The following ROBO1 variants were observed in gnomAD, a reference collection of about 807,000 sequenced individuals.
ROBO1 encodes roundabout homolog 1.
ROBO1 carries 149 observed loss-of-function variants against 195.9 expected under a neutral mutation model. That is an observed-to-expected ratio of 0.76 (90% CI 0.67 to 0.87). The LOEUF (loss-of-function observed/expected upper bound fraction) is 0.87, where lower values mean the gene tolerates loss of function less well. ROBO1 is among the 40% of genes least tolerant of loss of function. ROBO1 has a pLI of 0.00. For missense variants in ROBO1, 1,933 were observed against 2,068.3 expected (o/e 0.93, Z 1.27); for synonymous variants, 816 against 733.2 (o/e 1.11, Z -1.82).
At chr3:78,898,140 CATAT>C (rs759399986) in intron 4 of ROBO1, among the ~76,000 whole-genome samples, 1 of 145,628 alleles carries the variant, frequency 6.9e-6, no homozygotes, top group Non-Finnish European at 1.5e-5. Context: ...AGTTCTAAAA[CATAT>C]ATATATATAT....
chr3:78,810,931 G>A (rs1226013906), intron 4 of ROBO1, among the ~76,000 whole-genome samples: 4 of 152,072 alleles, frequency 2.6e-5, no homozygotes, highest in Non-Finnish European at 5.9e-5. Flanking sequence ...CAATCAACCT[G>A]CTCAAGAAAA....
At chr3:79,312,784 A>G (rs768893858) in intron 2 of ROBO1, among the ~76,000 whole-genome samples, 2 of 152,126 alleles carry the variant, frequency 1.3e-5, no homozygotes, top group Non-Finnish European at 2.9e-5. Context: ...GCATGTTTTT[A>G]TAACTGTGCT....
At chr3:79,434,884 T>TA (rs1431416302) in intron 2 of ROBO1, among the ~76,000 whole-genome samples, 4 of 152,146 alleles carry the variant, frequency 2.6e-5, no homozygotes, top group Admixed American at 2.6e-4. Flanking sequence ...TATGTAGCCA[T>TA]AAAAAATGAT....
At chr3:78,927,874 T>A (rs1560009731) in intron 4 of ROBO1, among the ~76,000 whole-genome samples, 1 of 152,218 alleles carries the variant, frequency 6.6e-6, no homozygotes, top group Non-Finnish European at 1.5e-5. Context: ...TTTGCCTTTC[T>A]GAAATGAAGA....
Position 79,703,616 on chromosome 3 carries a change from C to T in ROBO1, c.-51+64136G>A, listed in dbSNP as rs574714216. On this transcript the variant is annotated intron_variant, in intron 1 of 30. Coordinates refer to ENST00000464233, the MANE Select transcript of ROBO1 (RefSeq NM_002941.4). ...CATGTGTACTCTATTAATGCCATGT[C>T]TCCATTTTTACTTATAGAAAGTTTC... is the stretch of plus-strand genomic sequence containing the variant. Among the ~76,000 whole-genome samples the T allele has an allele frequency of 8.7e-4, 132 of 151,912 alleles. 1 individual carries two copies. Among genetic ancestry groups the T allele is most frequent in the African/African-American group, 3.0e-3 (124 of 41,514 alleles).
intron 2 of ROBO1, among the ~76,000 whole-genome samples, chr3:79,129,868 G>A (rs2080294132): frequency 6.7e-6 from 1 of 148,242 alleles, no homozygotes; most frequent in Non-Finnish European, 1.5e-5. Flanking sequence ...TAAGGTGTAA[G>A]GAAGGGATCC....
intron 1 of ROBO1, among the ~76,000 whole-genome samples, chr3:79,634,894 T>G (rs1251498647): frequency 6.6e-6 from 1 of 152,162 alleles, no homozygotes; most frequent in Non-Finnish European, 1.5e-5. Flanking sequence ...CATTTGAATG[T>G]AGCTTTCCAA....
chr3:79,011,103 G>T (rs1342428072), intron 3 of ROBO1, among the ~76,000 whole-genome samples: 1 of 152,092 alleles, frequency 6.6e-6, no homozygotes, highest in Non-Finnish European at 1.5e-5. Flanking sequence ...CCCAAACCAA[G>T]CAACTAAAGA....
At chr3:79,569,083 C>T (rs1943186258) in intron 2 of ROBO1, among the ~76,000 whole-genome samples, 1 of 152,092 alleles carries the variant, frequency 6.6e-6, no homozygotes, top group South Asian at 2.1e-4. Context: ...GTGATCCAAA[C>T]TTTTGTGCCT....
chr3:79,319,104 C>T (rs1436469608), intron 2 of ROBO1, among the ~76,000 whole-genome samples: 6 of 152,140 alleles, frequency 3.9e-5, no homozygotes, highest in Non-Finnish European at 7.4e-5. Context: ...TAATTAATTT[C>T]TCATCCCTCA....
chr3:79,759,287 C>T (rs1502288), intron 1 of ROBO1, among the ~76,000 whole-genome samples: 47,878 of 151,860 alleles, frequency 0.32, 7,672 homozygotes, highest in East Asian at 0.37. Context: ...CCTTTCGAAA[C>T]ATTTTGTGCT....
intron 2 of ROBO1, among the ~76,000 whole-genome samples, chr3:79,500,119 CTTTTTTTTTTTT>C (rs57887981): frequency 0.019 from 1,382 of 72,508 alleles, 20 homozygotes; most frequent in African/African-American, 0.064. Context: ...TAAGTTTTCT[CTTTTTTTTTTTT>C]TTTTTTTTTT....
chr3:78,681,589 G>A (rs2080910060), intron 10 of ROBO1, among the ~76,000 whole-genome samples: 1 of 152,158 alleles, frequency 6.6e-6, no homozygotes, highest in South Asian at 2.1e-4. Flanking sequence ...CACGTTGGTG[G>A]AAACAACGTG....
chr3:78,896,327 T>TGTA (rs2037226687), intron 4 of ROBO1, among the ~76,000 whole-genome samples: 1 of 152,034 alleles, frequency 6.6e-6, no homozygotes, highest in Non-Finnish European at 1.5e-5. Context: ...CACCTATACA[T>TGTA]CCAGATGGCC....
chr3:79,516,614 T>C (rs945072696), intron 2 of ROBO1, among the ~76,000 whole-genome samples: 2 of 152,150 alleles, frequency 1.3e-5, no homozygotes, highest in African/African-American at 4.8e-5. Flanking sequence ...TTACACATAG[T>C]ATATTATACA....
At chr3:79,558,130 C>T (rs1056292047) in intron 2 of ROBO1, among the ~76,000 whole-genome samples, 2 of 152,066 alleles carry the variant, frequency 1.3e-5, no homozygotes, top group East Asian at 3.9e-4. Context: ...TTGAACTGGG[C>T]AGGTCCACTC....
intron 2 of ROBO1, among the ~76,000 whole-genome samples, chr3:79,475,433 C>T (rs1352812898): frequency 2.0e-5 from 3 of 151,952 alleles, no homozygotes. Context: ...AAAATGCTCT[C>T]ATTTTCTGCT....
At chr3:79,542,839 G>T (rs1942125353) in intron 2 of ROBO1, among the ~76,000 whole-genome samples, 1 of 151,996 alleles carries the variant, frequency 6.6e-6, no homozygotes, top group Non-Finnish European at 1.5e-5. Context: ...TGTGTGATTT[G>T]CTCTTTAAGG....
At chr3:79,004,894 A>G (rs2077586207) in intron 3 of ROBO1, among the ~76,000 whole-genome samples, 2 of 152,212 alleles carry the variant, frequency 1.3e-5, no homozygotes, top group Admixed American at 1.3e-4. Flanking sequence ...GGTCTTTGTA[A>G]GGAAATAAGG....
Sources: allele counts gnomAD v4.1 joint callset (sites outside exome capture counted in the v4.1 genomes callset), GRCh38; gene constraint gnomAD v4.1.1; transcripts MANE v1.5; gene names NCBI Gene and HGNC (gene_info 2026-07-23, HGNC 2026-07-21).